The following TTLL10 variants were observed in gnomAD, a reference collection of about 807,000 sequenced individuals.
The protein encoded by TTLL10 is inactive polyglycylase TTLL10.
TTLL10 carries 61 observed loss-of-function variants against 69.0 expected under a neutral mutation model. The observed-to-expected ratio is 0.88, with a 90% CI of 0.72 to 1.09. The LOEUF (loss-of-function observed/expected upper bound fraction) is 1.09. Ranked by LOEUF, TTLL10 falls within the 50% of genes least tolerant of loss-of-function variation. TTLL10 has a pLI of 0.00. For missense variants in TTLL10, 962 were observed against 945.9 expected (o/e 1.02, Z -0.22); for synonymous variants, 408 against 393.3 (o/e 1.04, Z -0.44).
At position 1,182,465 on chromosome 1, in the gene TTLL10, G is replaced by T. The variant is rs1280363036; in HGVS notation, c.916+19G>T. The stretch of plus-strand genomic sequence containing the variant: ...TTTGATGGTGAGACGCTGCTGGCCG[G>T]ACACCAGGCTGGCCCTGGGGAGACA... On this transcript the variant is annotated intron_variant, in intron 10 of 15. Transcript: ENST00000379289. The T allele has an allele frequency of 1.2e-6, 2 of 1,613,060 alleles. No homozygotes were observed. Among genetic ancestry groups the T allele is most frequent in the Middle Eastern group, 3.3e-4 (2 of 6,062 alleles).
intron 10 of TTLL10, 26 bp from the exon 11 acceptor site, chr1:1,182,850 A>G: frequency 6.5e-7 from 1 of 1,535,492 alleles, no homozygotes; most frequent in South Asian, 1.2e-5. Context: ...GGGCGAGGCC[A>G]GGGGCTCAGG....
intron 10 of TTLL10, 98 bp from the exon 11 acceptor site, chr1:1,182,778 G>A (rs573566237): frequency 2.9e-5 from 42 of 1,445,188 alleles, no homozygotes; most frequent in East Asian, 5.0e-5. Context: ...TGGCCGGGCC[G>A]AGGGTCGCAG....
intron 13 of TTLL10, among the ~76,000 whole-genome samples, chr1:1,192,570 C>G (rs563070458): frequency 6.6e-6 from 1 of 151,152 alleles, no homozygotes; most frequent in African/African-American, 2.4e-5. Context: ...TGTAGACAAT[C>G]CAGTTGATAT....
intron 11 of TTLL10, 70 bp downstream of exon 11, chr1:1,183,117 C>T (rs939618520): frequency 6.7e-7 from 1 of 1,491,798 alleles, no homozygotes; most frequent in Non-Finnish European, 9.0e-7. Flanking sequence ...GTGCAGTCAG[C>T]AGGGCCGCCG....
intron 3 of TTLL10, among the ~76,000 whole-genome samples, chr1:1,177,768 A>G (rs1176341368): frequency 6.6e-6 from 1 of 152,194 alleles, no homozygotes; most frequent in Non-Finnish European, 1.5e-5. Context: ...GAGGTCTCCC[A>G]TTTAATGCAG....
chr1:1,180,942 C>T, intron 8 of TTLL10, 82 bp downstream of exon 8: 1 of 1,311,676 alleles, frequency 7.6e-7, no homozygotes, highest in Non-Finnish European at 1.0e-6. Context: ...CCCGCCCCAC[C>T]CCTGCCCCTG....
chr1:1,179,433 C>A, intron 4 of TTLL10, 100 bp downstream of exon 4: 2 of 1,305,242 alleles, frequency 1.5e-6, no homozygotes, highest in Non-Finnish European at 1.1e-6. Flanking sequence ...CCTCATGGGG[C>A]AGGGGCAGGA....
chr1:1,189,883 A>C (rs1372015751), intron 13 of TTLL10, among the ~76,000 whole-genome samples: 3 of 151,976 alleles, frequency 2.0e-5, no homozygotes, highest in African/African-American at 7.3e-5. Flanking sequence ...GAGGCCGAGG[A>C]AGGTGGATCA....
At position 1,180,187 on chromosome 1, in the gene TTLL10, A is replaced by G. The variant is rs1480067099; in HGVS notation, c.353A>G (p.Asn118Ser). The G allele has an allele frequency of 6.2e-7, 1 of 1,611,296 alleles. No homozygotes were observed. The highest frequency in any genetic ancestry group is 8.5e-7 in the Non-Finnish European group (1 of 1,179,394). ...SATPGPPGLL[N>S]SHRPADSDDT... Reference sequence around the variant, plus strand: ...ACACCCGGACCCCCTGGGCTCCTGAACAGCCACCGGCCTGCAGACTCGGAT... The same window carrying G: ...ACACCCGGACCCCCTGGGCTCCTGAGCAGCCACCGGCCTGCAGACTCGGAT... The change falls in exon 6 of 16, where the codon AAC (asparagine) becomes AGC (serine). Residue 118 changes from asparagine to serine, a missense_variant. By Grantham distance (46) the Asn-to-Ser change is conservative (BLOSUM62 1). Transcript: ENST00000379289.
chr1:1,191,819 C>T (rs1044676033), intron 13 of TTLL10, among the ~76,000 whole-genome samples: 4 of 152,214 alleles, frequency 2.6e-5, no homozygotes, highest in South Asian at 4.1e-4. Flanking sequence ...TTACGGGAAA[C>T]GAAGGGATGG....
chr1:1,197,262 T>C (rs1648286939), intron 15 of TTLL10, 76 bp downstream of exon 15: 17 of 1,420,746 alleles, frequency 1.2e-5, no homozygotes, highest in Non-Finnish European at 1.4e-5. Flanking sequence ...CTTCCCAAGT[T>C]CAGACCCCCA....
chr1:1,181,803 T>G lies in TTLL10; in HGVS notation c.818T>G (p.Leu273Arg). 5 of 1,608,072 alleles carry G rather than the reference T, an allele frequency of 3.1e-6. No individual in the cohort carries two copies. The highest frequency in any genetic ancestry group is 2.2e-5 in the East Asian group (1 of 44,692). ...EDLPWTSPGY[L>R]RPQRVLRMEE... Reference sequence around the variant, plus strand: ...CTCCCGTGGACAAGCCCAGGATACCTCAGGCCACAGAGGTAGACTCAGCCC... The same window carrying G: ...CTCCCGTGGACAAGCCCAGGATACCGCAGGCCACAGAGGTAGACTCAGCCC... Residue 273 changes from leucine (L) to arginine (R), a missense_variant, in exon 9 of 16, where the codon CTC (leucine) becomes CGC (arginine). Leu to Arg is a moderately radical substitution (Grantham distance 102, BLOSUM62 -2). Transcript: ENST00000379289. This position sits in a 1 kb window ranked among gnomAD's most constrained non-coding sequence, Gnocchi z 4.6.
intron 13 of TTLL10, among the ~76,000 whole-genome samples, chr1:1,186,404 A>C (rs1027805253): frequency 6.6e-6 from 1 of 152,170 alleles, no homozygotes; most frequent in African/African-American, 2.4e-5. Flanking sequence ...TCCCTTTCAT[A>C]CAACGTTCCG....
At chr1:1,179,058 C>A in intron 3 of TTLL10, 131 bp from the exon 4 acceptor site, 1 of 622,324 alleles carries the variant, frequency 1.6e-6, no homozygotes, top group Non-Finnish European at 2.7e-6. Flanking sequence ...CACGCAGAGG[C>A]TCAAGCCCAC....
At position 1,175,792 on chromosome 1, in the gene TTLL10, C is replaced by G. The variant is rs781296355; in HGVS notation, c.-28+1303C>G. 19 of 399,460 alleles carry G rather than the reference C, an allele frequency of 4.8e-5. No homozygotes were observed. In the East Asian group the frequency reaches 1.6e-3, roughly 35 times the overall value. 24.7% of individuals were successfully genotyped at this position (399,460 alleles called of 1,614,324 possible). ...AGGTGGAGAGGCTGCTGCTCCCAGC[C>G]GCTGTGCAGGTGGAGAGAGGCTGCC... On this transcript the variant is annotated intron_variant, in intron 3 of 15. Coordinates refer to ENST00000379289, the MANE Select transcript of TTLL10 (RefSeq NM_001130045.2).
intron 10 of TTLL10, 95 bp from the exon 11 acceptor site, chr1:1,182,781 G>A: frequency 2.1e-6 from 3 of 1,449,032 alleles, no homozygotes; most frequent in Non-Finnish European, 1.8e-6. Flanking sequence ...CCGGGCCGAG[G>A]GTCGCAGCCT....
Position 1,183,032 on chromosome 1 carries a change from C to A in TTLL10, c.1073C>A (p.Ala358Glu). 1 of 1,606,562 alleles carries A rather than the reference C, an allele frequency of 6.2e-7. No individual in the cohort carries two copies. Among genetic ancestry groups the A allele is most frequent in the Non-Finnish European group, 8.5e-7 (1 of 1,177,156 alleles). The change falls in exon 11 of 16, where the codon GCG becomes GAG. Residue 358 changes from alanine (A) to glutamate (E), a missense_variant. Transcript: ENST00000379289. ...AAGACGCCGTTCCGGGGGCCTCAGG[C>A]GCGGGTGGTGCAGAGGTGCGGCGGC... The part of the protein sequence containing the change: ...HHKTPFRGPQ[A>E]RVVQRYIQNP...
chr1:1,196,505 G>A, intron 13 of TTLL10, 95 bp from the exon 14 acceptor site: 1 of 890,028 alleles, frequency 1.1e-6, no homozygotes, highest in Non-Finnish European at 1.8e-6. Context: ...GTTCAGATGG[G>A]AGTGCAGGTG....
At chr1:1,179,984 G>C in intron 5 of TTLL10, 50 bp from the exon 6 acceptor site, 1 of 1,467,946 alleles carries the variant, frequency 6.8e-7, no homozygotes, top group Non-Finnish European at 9.0e-7. Context: ...TGTCCGGGCT[G>C]AGTGGGCAGC....
Sources: allele counts gnomAD v4.1 joint callset (sites outside exome capture counted in the v4.1 genomes callset), GRCh38; gene constraint gnomAD v4.1.1; non-coding constraint Gnocchi (gnomAD v3.1); transcripts MANE v1.5; gene names NCBI Gene and HGNC (gene_info 2026-07-23, HGNC 2026-07-21).